Variants in MAML3 observed in about 807,000 individuals in gnomAD.
MAML3 encodes mastermind like transcriptional coactivator 3.
In MAML3, 27 loss-of-function variants were observed where a neutral mutation model predicts 101.9. That is an observed-to-expected ratio of 0.27 (90% CI 0.20 to 0.37). The LOEUF (loss-of-function observed/expected upper bound fraction) is 0.37, where lower values mean the gene tolerates loss of function less well. Among genes scored for constraint, MAML3 ranks in the 10% least tolerant of loss-of-function variants. MAML3 has a pLI of 1.00. For missense variants in MAML3, 1,316 were observed against 1,444.9 expected (o/e 0.91, Z 1.45); for synonymous variants, 501 against 555.9 (o/e 0.90, Z 1.39).
chr4:139,821,405 C>G (rs1720725805), intron 2 of MAML3, among the ~76,000 whole-genome samples: 1 of 152,154 alleles, frequency 6.6e-6, no homozygotes, highest in Non-Finnish European at 1.5e-5. Flanking sequence ...TGTGAGGGAT[C>G]TAGGTTGCAT....
intron 1 of MAML3, among the ~76,000 whole-genome samples, chr4:140,076,913 G>A (rs985070867): frequency 2.6e-5 from 4 of 151,850 alleles, no homozygotes; most frequent in Non-Finnish European, 5.9e-5. Context: ...GTTTTGAAAC[G>A]GAGTCTCACT....
chr4:140,093,046 G>A (rs1159754824), intron 1 of MAML3, among the ~76,000 whole-genome samples: 1 of 152,176 alleles, frequency 6.6e-6, no homozygotes, highest in African/African-American at 2.4e-5. Context: ...GTGAAGACAG[G>A]AAAACTTTAT....
chr4:140,125,094 T>C (rs1330060465), intron 1 of MAML3, among the ~76,000 whole-genome samples: 4 of 152,264 alleles, frequency 2.6e-5, no homozygotes, highest in Non-Finnish European at 1.5e-5. Context: ...CTTATTTTTC[T>C]ATATTCTGAA....
chr4:140,132,214 C>T (rs1728806175), intron 1 of MAML3, among the ~76,000 whole-genome samples: 1 of 152,238 alleles, frequency 6.6e-6, no homozygotes, highest in Admixed American at 6.5e-5. Context: ...AATGCTCGTG[C>T]TCCCTTGCCC....
intron 1 of MAML3, among the ~76,000 whole-genome samples, chr4:139,950,216 A>G (rs1203208650): frequency 6.6e-6 from 1 of 151,946 alleles, no homozygotes; most frequent in Admixed American, 6.6e-5. Flanking sequence ...AATTTTTTGT[A>G]TTTTTAGTAG....
Position 140,139,172 on chromosome 4 carries a change from CTG to C in MAML3, c.468+13686_468+13687del, listed in dbSNP as rs970597863. ...CCTGTAGTCCCAGCTACTCAGGAGA[CTG>C]AAGCAGGAGAATCCCTTGAGCCCAG... On this transcript the variant is annotated intron_variant, in intron 1 of 4. Coordinates refer to ENST00000509479, the MANE Select transcript of MAML3 (RefSeq NM_018717.5). 2.0e-5 allele frequency among the ~76,000 whole-genome samples: 3 copies of C among 152,260 alleles called. No individual in the cohort carries two copies. The South Asian group carries it at 6.2e-4, about 32-fold the overall frequency.
At chr4:139,834,511 T>C (rs1731225060) in intron 2 of MAML3, among the ~76,000 whole-genome samples, 1 of 152,212 alleles carries the variant, frequency 6.6e-6, no homozygotes, top group South Asian at 2.1e-4. Context: ...TGAAGGTGCG[T>C]TGCAGTCACT....
intron 1 of MAML3, among the ~76,000 whole-genome samples, chr4:140,021,065 A>AG (rs1173868611): frequency 1.3e-5 from 2 of 152,214 alleles, no homozygotes; most frequent in African/African-American, 4.8e-5. Flanking sequence ...AAGGAGTTAC[A>AG]GAGAGATGAA....
rs75716951 is a variant in MAML3, at chr4:140,094,282, G to A, written c.468+58578C>T. ...GTGAGGTGCCAAAGTAATTGTACAC[G>A]TCATCTTGAGCTGTGCAAAGAGGAG... On this transcript the variant is annotated intron_variant, in intron 1 of 4. Transcript: ENST00000509479. Among the ~76,000 whole-genome samples, 761 of 152,290 alleles carry A rather than the reference G, an allele frequency of 5.0e-3. 6 individuals are homozygous for A. Among genetic ancestry groups the A allele is most frequent in the African/African-American group, 0.017 (703 of 41,556 alleles).
intron 2 of MAML3, among the ~76,000 whole-genome samples, chr4:139,853,700 G>C (rs981197212): frequency 6.6e-6 from 1 of 152,150 alleles, no homozygotes; most frequent in African/African-American, 2.4e-5. Context: ...GATGTTAATG[G>C]GGGAAGAAAC....
intron 1 of MAML3, among the ~76,000 whole-genome samples, chr4:140,055,393 C>T (rs1670566010): frequency 6.6e-6 from 1 of 152,150 alleles, no homozygotes; most frequent in African/African-American, 2.4e-5. Flanking sequence ...TTTTTTGCCC[C>T]TTATTTAGAA....
intron 2 of MAML3, among the ~76,000 whole-genome samples, chr4:139,856,313 A>AC (rs574974412): frequency 8.3e-4 from 126 of 152,360 alleles, no homozygotes; most frequent in African/African-American, 2.8e-3. Context: ...CTTGTCATTT[A>AC]CGAAGTCGAA....
intron 3 of MAML3, among the ~76,000 whole-genome samples, chr4:139,728,966 G>A (rs1195331038): frequency 6.6e-6 from 1 of 152,102 alleles, no homozygotes; most frequent in Non-Finnish European, 1.5e-5. Flanking sequence ...ATTGGCTGAG[G>A]AGAGGATTTA....
At chr4:139,852,445 C>T (rs894430129) in intron 2 of MAML3, among the ~76,000 whole-genome samples, 1 of 115,726 alleles carries the variant, frequency 8.6e-6, no homozygotes, top group African/African-American at 3.8e-5. Flanking sequence ...CAGAGTCTCA[C>T]TCTGTCACCC....
rs539710289 is a variant in MAML3, at chr4:139,802,692, T to C, written c.2080-72025A>G. Among the ~76,000 whole-genome samples, 5 of 152,292 alleles carry C rather than the reference T, an allele frequency of 3.3e-5. No homozygotes were observed. In the East Asian group the frequency reaches 9.7e-4, roughly 29 times the overall value. On this transcript the variant is annotated intron_variant, in intron 2 of 4. Coordinates refer to ENST00000509479, the MANE Select transcript of MAML3 (RefSeq NM_018717.5). ...AGGCTGCCTTGCAGCCTGTGAGAGATGGATGGATGGTAGAGTGGGGTCAAG... is the reference window on the plus strand; with the variant it reads ...AGGCTGCCTTGCAGCCTGTGAGAGACGGATGGATGGTAGAGTGGGGTCAAG...
chr4:139,896,609 T>TGTGTGTGG (rs1412595737), intron 1 of MAML3, among the ~76,000 whole-genome samples: 1 of 122,052 alleles, frequency 8.2e-6, no homozygotes, highest in Non-Finnish European at 1.9e-5. Context: ...GTGAAACTGG[T>TGTGTGTGG]GTGTGTGTGT....
rs78226667 is a variant in MAML3 at position 139,983,996 on chromosome 4, G to A, written c.469-93029C>T. 4.5e-3 allele frequency among the ~76,000 whole-genome samples: 679 copies of A among 152,296 alleles called. 11 individuals are homozygous for A. The highest frequency in any genetic ancestry group is 0.015 in the African/African-American group (637 of 41,560). The stretch of plus-strand genomic sequence containing the variant: ...AGGATAAGATGGGAGAGAATGTAAT[G>A]GGTAGACATACAGATGCAATTATAA... On this transcript the variant is annotated intron_variant, in intron 1 of 4. Coordinates refer to ENST00000509479, the MANE Select transcript of MAML3 (RefSeq NM_018717.5).
Position 139,802,124 on chromosome 4 carries a change from C to T in MAML3, c.2080-71457G>A, listed in dbSNP as rs115747250. ...CAGAGTCTAGTGAAGGGGGAGAGCT[C>T]TAACTCTCCAGCTCCACTGGGGTCC... On this transcript the variant is annotated intron_variant, in intron 2 of 4. Coordinates refer to ENST00000509479, the MANE Select transcript of MAML3 (RefSeq NM_018717.5). 8.7e-3 allele frequency among the ~76,000 whole-genome samples: 1,319 copies of T among 152,236 alleles called. 20 individuals carry two copies. Among genetic ancestry groups the T allele is most frequent in the African/African-American group, 0.028 (1,147 of 41,538 alleles).
intron 1 of MAML3, among the ~76,000 whole-genome samples, chr4:140,006,650 G>GA (rs1353371098): frequency 6.7e-6 from 1 of 150,084 alleles, no homozygotes; most frequent in East Asian, 2.0e-4. Context: ...GGGCAGAGCA[G>GA]AAAAAAAGGT....
Sources: gnomAD v4.1 joint callset for allele counts (sites outside exome capture counted in the v4.1 genomes callset) on GRCh38, gnomAD v4.1.1 for gene constraint, MANE v1.5 for transcripts, NCBI Gene and HGNC (gene_info 2026-07-23, HGNC 2026-07-21) for gene names.